ASTN2: variants seen among roughly 807,000 people sequenced by gnomAD.
The protein encoded by ASTN2 is astrotactin-2.
A neutral mutation model predicts 139.8 loss-of-function variants in ASTN2; 54 were observed. The observed-to-expected ratio is 0.39, with a 90% CI of 0.31 to 0.48. The LOEUF (loss-of-function observed/expected upper bound fraction) is 0.48, where lower values mean the gene tolerates loss of function less well. Among genes scored for constraint, ASTN2 ranks in the 20% least tolerant of loss-of-function variants. The pLI is 0.95. For synonymous variants in ASTN2, 756 were observed against 719.5 expected (o/e 1.05, Z -0.81); for missense variants, 1,565 against 1,725.1 (o/e 0.91, Z 1.64).
At chr9:117,298,093 A>G (rs904528830) in intron 1 of ASTN2, among the ~76,000 whole-genome samples, 2 of 152,212 alleles carry the variant, frequency 1.3e-5, no homozygotes, top group African/African-American at 4.8e-5. Flanking sequence ...CAAACTGACC[A>G]TATAATTCCA....
intron 13 of ASTN2, among the ~76,000 whole-genome samples, chr9:116,740,980 G>A (rs1829084576): frequency 6.6e-6 from 1 of 151,668 alleles, no homozygotes; most frequent in East Asian, 1.9e-4. Context: ...ACCCTCCCAG[G>A]CTACCTGCAT....
chr9:116,772,563 G>A (rs1454124900), intron 13 of ASTN2, among the ~76,000 whole-genome samples: 1 of 152,162 alleles, frequency 6.6e-6, no homozygotes, highest in African/African-American at 2.4e-5. Context: ...GTGGACTTCA[G>A]GTCAGGTAAA....
chr9:116,605,302 G>A (rs929709851), intron 19 of ASTN2, among the ~76,000 whole-genome samples: 2 of 152,120 alleles, frequency 1.3e-5, no homozygotes, highest in African/African-American at 2.4e-5. Context: ...AGGAGGTGCC[G>A]GGGCTAGTGG....
chr9:116,689,112 C>T (rs961061809), intron 16 of ASTN2, among the ~76,000 whole-genome samples: 1 of 152,252 alleles, frequency 6.6e-6, no homozygotes, highest in Admixed American at 6.5e-5. Context: ...GCCCTTCCCC[C>T]CCGCAGTAAG....
At chr9:116,825,079 T>A (rs1487170205) in intron 11 of ASTN2, among the ~76,000 whole-genome samples, 2 of 152,210 alleles carry the variant, frequency 1.3e-5, no homozygotes, top group African/African-American at 4.8e-5. Context: ...CACTGTCACT[T>A]GCTTGCCTCG....
intron 4 of ASTN2, among the ~76,000 whole-genome samples, chr9:117,103,971 G>A (rs1829043531): frequency 6.6e-6 from 1 of 152,190 alleles, no homozygotes; most frequent in Admixed American, 6.5e-5. Flanking sequence ...CTGCCATCAG[G>A]CACCTGCTAT....
intron 1 of ASTN2, among the ~76,000 whole-genome samples, chr9:117,360,833 T>C (rs1829672079): frequency 6.6e-6 from 1 of 152,182 alleles, no homozygotes; most frequent in African/African-American, 2.4e-5. Context: ...GCATATACTT[T>C]TGTACTCTAA....
chr9:116,964,300 A>G (rs1391388442), intron 10 of ASTN2, among the ~76,000 whole-genome samples: 1 of 150,068 alleles, frequency 6.7e-6, no homozygotes, highest in African/African-American at 2.5e-5. Flanking sequence ...GTTGATGCCT[A>G]TTGGGCAGAG....
intron 6 of ASTN2, among the ~76,000 whole-genome samples, chr9:117,009,492 A>G (rs1474577320): frequency 2.6e-5 from 4 of 152,138 alleles, no homozygotes; most frequent in Non-Finnish European, 4.4e-5. Context: ...ATGTATAGCA[A>G]TAAAACAAAA....
intron 18 of ASTN2, 56 bp downstream of exon 18, chr9:116,620,254 G>A: frequency 1.2e-6 from 2 of 1,612,522 alleles, no homozygotes; most frequent in East Asian, 2.2e-5. Flanking sequence ...TGGCAGGACA[G>A]GAGTGTGAGT....
intron 1 of ASTN2, among the ~76,000 whole-genome samples, chr9:117,349,996 T>A (rs1829338631): frequency 6.6e-6 from 1 of 152,182 alleles, no homozygotes; most frequent in Non-Finnish European, 1.5e-5. Flanking sequence ...GAGTAAAATC[T>A]GAATAAAGTC....
intron 17 of ASTN2, among the ~76,000 whole-genome samples, chr9:116,624,055 T>C (rs538461810): frequency 6.6e-6 from 1 of 152,192 alleles, no homozygotes; most frequent in South Asian, 2.1e-4. Context: ...TGCATGGCCA[T>C]TGGTTTTCAT....
rs562115883 is a variant in ASTN2 at position 117,003,954 on chromosome 9, G to A, written c.1591+4138C>T. Among the ~76,000 whole-genome samples, 66 of 96,110 alleles carry A rather than the reference G, an allele frequency of 6.9e-4. 1 individual carries two copies. The highest frequency in any genetic ancestry group is 2.7e-3 in the African/African-American group (57 of 21,438). The allele number at this position is 96,110 out of a possible 152,430, so 63.1% of individuals were successfully genotyped here. On this transcript the variant is annotated intron_variant, in intron 7 of 22. Coordinates refer to ENST00000313400, the MANE Select transcript of ASTN2 (RefSeq NM_001365068.1). Reference sequence around the variant, plus strand: ...GTGTTTCTTTCACGCGCGCGCGCGCGTGTGTGTGTGTGTGTGTGTGTGTTT... The same window carrying A: ...GTGTTTCTTTCACGCGCGCGCGCGCATGTGTGTGTGTGTGTGTGTGTGTTT...
At chr9:116,821,276 C>T (rs950735683) in intron 11 of ASTN2, among the ~76,000 whole-genome samples, 4 of 152,088 alleles carry the variant, frequency 2.6e-5, no homozygotes, top group Non-Finnish European at 4.4e-5. Context: ...AGTTACTTGC[C>T]GTCTCTGAGC....
At chr9:116,503,810 C>T (rs1336740756) in intron 19 of ASTN2, among the ~76,000 whole-genome samples, 1 of 152,172 alleles carries the variant, frequency 6.6e-6, no homozygotes, top group African/African-American at 2.4e-5. Flanking sequence ...GCTCTTTCCT[C>T]ATTTAATCCT....
chr9:116,851,770 C>A (rs1402398787), intron 11 of ASTN2, among the ~76,000 whole-genome samples: 1 of 152,120 alleles, frequency 6.6e-6, no homozygotes, highest in African/African-American at 2.4e-5. Flanking sequence ...GAAATTCCTC[C>A]AATGGAGAAC....
intron 2 of ASTN2, among the ~76,000 whole-genome samples, chr9:117,234,888 C>A (rs771364907): frequency 1.3e-5 from 2 of 152,112 alleles, no homozygotes; most frequent in African/African-American, 2.4e-5. Flanking sequence ...CATATATCAG[C>A]GATTTCAAGG....
At chr9:116,933,005 CAAAAAAA>C (rs34505075) in intron 10 of ASTN2, among the ~76,000 whole-genome samples, 1 of 70,050 alleles carries the variant, frequency 1.4e-5, no homozygotes. Context: ...GACTCTGTCT[CAAAAAAA>C]AAAAAAAAAA....
chr9:117,360,898 A>C (rs574525257), intron 1 of ASTN2, among the ~76,000 whole-genome samples: 1 of 152,168 alleles, frequency 6.6e-6, no homozygotes, highest in South Asian at 2.1e-4. Context: ...TTTGCTTCTA[A>C]TAGAAACAGT....
Sources: allele counts gnomAD v4.1 joint callset (sites outside exome capture counted in the v4.1 genomes callset), GRCh38; gene constraint gnomAD v4.1.1; transcripts MANE v1.5; gene names NCBI Gene and HGNC (gene_info 2026-07-23, HGNC 2026-07-21).